KCMF1: variants seen among roughly 807,000 people sequenced by gnomAD.
The protein encoded by KCMF1 is E3 ubiquitin-protein ligase KCMF1.
KCMF1 carries 3 observed loss-of-function variants against 41.1 expected under a neutral mutation model. The ratio of observed to expected loss-of-function variants is 0.07; its 90% confidence interval spans 0.03 to 0.19. The LOEUF (loss-of-function observed/expected upper bound fraction) is 0.19. KCMF1 is among the 10% of genes least tolerant of loss of function. The pLI, the probability that KCMF1 is intolerant of heterozygous loss-of-function variation, is 1.00. For missense variants in KCMF1, 286 were observed against 488.9 expected, an observed-to-expected ratio of 0.58 and a Z score of 3.91; for synonymous variants, 142 against 164.5, an observed-to-expected ratio of 0.86 and a Z score of 1.04.
chr2:85,046,647 C>CT (rs1314618318), intron 5 of KCMF1, among the ~76,000 whole-genome samples: 1 of 147,236 alleles, frequency 6.8e-6, no homozygotes, highest in African/African-American at 2.5e-5. Context: ...AAAAAAAAAA[C>CT]TTTTTGTGAG....
In KCMF1 at chr2:85,028,483, C is replaced by CTT. The variant is rs398042498; in HGVS notation, c.184+453_184+454dup. ...TATAGGCGTGAGCCACTGTGCCTGG[C>CTT]TTTTTTTTTTTTTTTTTTTTTTTTT... On this transcript the variant is annotated intron_variant, in intron 2 of 6. Transcript: ENST00000409785. 9.9e-4 allele frequency among the ~76,000 whole-genome samples: 47 copies of CTT among 47,272 alleles called. 5 individuals carry two copies. The highest frequency in any genetic ancestry group is 3.6e-3 in the African/African-American group (37 of 10,240). The allele number at this position is 47,272 out of a possible 152,430, so 31.0% of individuals were successfully genotyped here. A position where few individuals can be genotyped will look rare whatever the true frequency, so the allele number is the denominator to read the frequency against.
At chr2:85,032,634 G>A (rs1338134433) in intron 2 of KCMF1, among the ~76,000 whole-genome samples, 3 of 151,948 alleles carry the variant, frequency 2.0e-5, no homozygotes, top group Non-Finnish European at 4.4e-5. Flanking sequence ...ACCTTGGTCT[G>A]CCAAAGTGCT....
intron 1 of KCMF1, among the ~76,000 whole-genome samples, chr2:84,980,728 A>G (rs1275430846): frequency 6.6e-6 from 1 of 151,672 alleles, no homozygotes; most frequent in Admixed American, 6.6e-5. Context: ...TGCAGCCTCA[A>G]CCTTTGGGCT....
intron 3 of KCMF1, among the ~76,000 whole-genome samples, chr2:85,036,038 A>G (rs1308814914): frequency 1.3e-5 from 2 of 152,148 alleles, no homozygotes; most frequent in Non-Finnish European, 2.9e-5. Flanking sequence ...AGGTGTTTGG[A>G]CTCAGCTAGA....
rs574088563 is a variant in KCMF1, at chr2:84,980,297, T to C, written c.16+8830T>C. Among the ~76,000 whole-genome samples the C allele has an allele frequency of 2.6e-5, 4 of 152,158 alleles. No homozygotes were observed. The East Asian group carries it at 5.8e-4, about 22-fold the overall frequency. Reference sequence around the variant, plus strand: ...GTAAGGACCAGTGGCCAGGTGGGTGTTGGCAGAGGAAAGACAGGCAAGGTG... The same window carrying C: ...GTAAGGACCAGTGGCCAGGTGGGTGCTGGCAGAGGAAAGACAGGCAAGGTG... On this transcript the variant is annotated intron_variant, in intron 1 of 6. Transcript: ENST00000409785.
chr2:85,011,046 G>A (rs1674638937), intron 1 of KCMF1, among the ~76,000 whole-genome samples: 1 of 152,102 alleles, frequency 6.6e-6, no homozygotes. Context: ...GTTTCACCGT[G>A]TTGGCCATGA....
chr2:84,988,747 C>CT lies in KCMF1; in HGVS notation c.16+17281dup, dbSNP rs1381135231. Reference sequence around the variant, plus strand: ...GAAAGCCAGGATTTTTAATCAAACTCTATCACAGACCAAAGCCCATGTTCA... The same window carrying CT: ...GAAAGCCAGGATTTTTAATCAAACTCTTATCACAGACCAAAGCCCATGTTCA... On this transcript the variant is annotated intron_variant, in intron 1 of 6. Coordinates refer to ENST00000409785, the MANE Select transcript of KCMF1 (RefSeq NM_020122.5). Among the ~76,000 whole-genome samples, 15 of 152,322 alleles carry CT rather than the reference C, an allele frequency of 9.8e-5. No individual in the cohort carries two copies. In the East Asian group the frequency reaches 2.7e-3, roughly 27 times the overall value.
intron 1 of KCMF1, among the ~76,000 whole-genome samples, chr2:84,979,789 A>G (rs1038838158): frequency 6.6e-6 from 1 of 152,062 alleles, no homozygotes; most frequent in African/African-American, 2.4e-5. Flanking sequence ...AAGAACCCGT[A>G]AGCAGTATAC....
chr2:85,006,069 CT>C (rs1382787801), intron 1 of KCMF1, among the ~76,000 whole-genome samples: 5 of 151,962 alleles, frequency 3.3e-5, no homozygotes. Context: ...TTTTTTTCCC[CT>C]CCTACTGGTC....
chr2:85,000,344 C>T (rs573919253), intron 1 of KCMF1, among the ~76,000 whole-genome samples: 10 of 152,244 alleles, frequency 6.6e-5, no homozygotes, highest in East Asian at 1.9e-4. Flanking sequence ...AGGATGGTCT[C>T]GATCTCCTGA....
At chr2:84,986,620 G>A (rs1673906758) in intron 1 of KCMF1, among the ~76,000 whole-genome samples, 1 of 151,988 alleles carries the variant, frequency 6.6e-6, no homozygotes, top group Admixed American at 6.6e-5. Flanking sequence ...GCTCACGCCT[G>A]TAATCCTAGC....
rs144624850 is a variant in KCMF1, at chr2:85,038,189, A to G, written c.324+3034A>G. 2.2e-3 allele frequency among the ~76,000 whole-genome samples: 338 copies of G among 152,372 alleles called. 1 individual carries two copies. Among genetic ancestry groups the G allele is most frequent in the African/African-American group, 7.5e-3 (312 of 41,592 alleles). ...TGGGAGAATGGAATCGACAGGGAAAATAATTTAATATGAAGTAATTCACAA... is the reference window on the plus strand; with the variant it reads ...TGGGAGAATGGAATCGACAGGGAAAGTAATTTAATATGAAGTAATTCACAA... On this transcript the variant is annotated intron_variant, in intron 3 of 6. Transcript: ENST00000409785.
intron 1 of KCMF1, among the ~76,000 whole-genome samples, chr2:84,996,426 TAAG>T (rs1352891790): frequency 1.3e-5 from 2 of 148,484 alleles, no homozygotes; most frequent in Non-Finnish European, 3.0e-5. Context: ...CTAAATAACC[TAAG>T]ATTTTTTTTT....
chr2:85,022,775 A>C (rs1436585811), intron 1 of KCMF1, among the ~76,000 whole-genome samples: 1 of 152,082 alleles, frequency 6.6e-6, no homozygotes, highest in Non-Finnish European at 1.5e-5. Flanking sequence ...TAAACCCCAG[A>C]GGGAGCCACT....
chr2:85,007,101 CAAAAAAAA>C (rs764401140), intron 1 of KCMF1, among the ~76,000 whole-genome samples: 2 of 51,904 alleles, frequency 3.9e-5, no homozygotes, highest in Non-Finnish European at 8.1e-5. Context: ...AACTCAGTCT[CAAAAAAAA>C]AAAAAAAAAA....
At chr2:85,031,711 C>A (rs1167768336) in intron 2 of KCMF1, among the ~76,000 whole-genome samples, 3 of 152,138 alleles carry the variant, frequency 2.0e-5, no homozygotes, top group Non-Finnish European at 4.4e-5. Flanking sequence ...CATCTGTATT[C>A]TTTTTACTGT....
intron 1 of KCMF1, among the ~76,000 whole-genome samples, chr2:84,972,548 A>G (rs1213793744): frequency 1.3e-5 from 2 of 152,246 alleles, no homozygotes; most frequent in Admixed American, 1.3e-4. Context: ...ACAAGATTGT[A>G]GAAGTGGCTT....
At chr2:85,043,815 GC>G (rs1282264269) in intron 4 of KCMF1, 150 bp downstream of exon 4, 1 of 654,934 alleles carries the variant, frequency 1.5e-6, no homozygotes, top group Non-Finnish European at 2.8e-6. Context: ...CTCTTGAGTA[GC>G]TGGGACTATA....
intron 2 of KCMF1, among the ~76,000 whole-genome samples, chr2:85,030,951 G>A (rs1015590626): frequency 2.0e-5 from 3 of 152,170 alleles, no homozygotes; most frequent in Non-Finnish European, 4.4e-5. Flanking sequence ...GCCTGCCTCA[G>A]CCTCCCAAAG....
Sources: allele counts gnomAD v4.1 joint callset (sites outside exome capture counted in the v4.1 genomes callset), GRCh38; gene constraint gnomAD v4.1.1; transcripts MANE v1.5; gene names NCBI Gene and HGNC (gene_info 2026-07-23, HGNC 2026-07-21).